The following DPM1 variants were observed in gnomAD, a reference collection of about 807,000 sequenced individuals.
DPM1 encodes the protein dolichyl-phosphate mannosyltransferase subunit 1, catalytic.
In DPM1, 27 loss-of-function variants were observed where a neutral mutation model predicts 39.0. The ratio of observed to expected loss-of-function variants is 0.69; its 90% confidence interval spans 0.51 to 0.95. DPM1 has a LOEUF of 0.95. Among genes scored for constraint, DPM1 ranks in the 40% least tolerant of loss-of-function variants. DPM1 has a pLI of 0.00. For missense variants in DPM1, 307 were observed against 315.6 expected, an observed-to-expected ratio of 0.97 and a Z score of 0.21; for synonymous variants, 124 against 109.0, an observed-to-expected ratio of 1.14 and a Z score of -0.86.
At chr20:50,954,610 A>G (rs1568773916) in intron 2 of DPM1, among the ~76,000 whole-genome samples, 1 of 152,260 alleles carries the variant, frequency 6.6e-6, no homozygotes, top group Non-Finnish European at 1.5e-5. Flanking sequence ...AGTAACTTCT[A>G]TATTAGAATA....
chr20:50,951,959 C>G (rs968746754), intron 2 of DPM1, among the ~76,000 whole-genome samples: 2 of 152,048 alleles, frequency 1.3e-5, no homozygotes, highest in Non-Finnish European at 2.9e-5. Flanking sequence ...ACCTCTCCAC[C>G]CTCCCCTGAT....
chr20:50,953,225 GAGT>G (rs1409309677), intron 2 of DPM1, among the ~76,000 whole-genome samples: 1 of 152,218 alleles, frequency 6.6e-6, no homozygotes, highest in Non-Finnish European at 1.5e-5. Context: ...GAATAGTTCA[GAGT>G]AAGTGCCCCC....
chr20:50,937,885 G>A (rs947713294), intron 7 of DPM1, among the ~76,000 whole-genome samples: 29 of 152,038 alleles, frequency 1.9e-4, no homozygotes, highest in African/African-American at 7.0e-4. Context: ...TATGTTGCCA[G>A]AGCTGGGGTC....
intron 2 of DPM1, among the ~76,000 whole-genome samples, chr20:50,954,025 C>T (rs1343899994): frequency 2.6e-5 from 4 of 152,180 alleles, no homozygotes; most frequent in Non-Finnish European, 5.9e-5. Context: ...GTGAGACAGA[C>T]TGAAAGAATT....
intron 7 of DPM1, among the ~76,000 whole-genome samples, chr20:50,940,117 TG>T (rs1985597183): frequency 6.6e-6 from 1 of 151,846 alleles, no homozygotes; most frequent in African/African-American, 2.4e-5. Context: ...TGTGTGTGTG[TG>T]TGTGTGTCAA....
intron 7 of DPM1, among the ~76,000 whole-genome samples, 179 bp downstream of exon 7, chr20:50,940,686 G>C (rs2123085281): frequency 6.6e-6 from 1 of 152,288 alleles, no homozygotes; most frequent in Admixed American, 6.5e-5. Flanking sequence ...TAAAGGAAAA[G>C]CACAATATGT....
intron 2 of DPM1, among the ~76,000 whole-genome samples, chr20:50,948,918 T>TG (rs2123124943): frequency 6.6e-6 from 1 of 152,194 alleles, no homozygotes; most frequent in South Asian, 2.1e-4. Context: ...TGGAGTACAG[T>TG]GGCGTGATCT....
intron 2 of DPM1, among the ~76,000 whole-genome samples, chr20:50,952,107 G>T (rs759639331): frequency 2.0e-4 from 31 of 152,158 alleles, no homozygotes; most frequent in Non-Finnish European, 4.1e-4. Context: ...ATGTGATCTT[G>T]AGAATATAAA....
intron 1 of DPM1, among the ~76,000 whole-genome samples, chr20:50,956,129 TA>T (rs1986811130): frequency 6.6e-6 from 1 of 152,038 alleles, no homozygotes; most frequent in African/African-American, 2.4e-5. Flanking sequence ...ATTATCAAAT[TA>T]AAAAAACAAA....
intron 7 of DPM1, among the ~76,000 whole-genome samples, chr20:50,939,682 C>T (rs572817836): frequency 9.0e-4 from 137 of 152,070 alleles, no homozygotes; most frequent in Non-Finnish European, 1.6e-3. Flanking sequence ...GGCGCAATCT[C>T]GGCTCACTGC....
intron 1 of DPM1, among the ~76,000 whole-genome samples, chr20:50,956,059 T>C (rs925714301): frequency 2.0e-5 from 3 of 152,160 alleles, no homozygotes; most frequent in Non-Finnish European, 4.4e-5. Context: ...AAAAAACCGA[T>C]TTTAGAATGG....
At chr20:50,948,588 G>A in intron 3 of DPM1, 41 bp downstream of exon 3, 1 of 1,600,186 alleles carries the variant, frequency 6.2e-7, no homozygotes, top group Middle Eastern at 1.7e-4. Context: ...ATGTCACCAA[G>A]CAAGCAGCAG....
intron 2 of DPM1, among the ~76,000 whole-genome samples, chr20:50,949,848 A>G (rs1013220752): frequency 6.6e-6 from 1 of 150,626 alleles, no homozygotes; most frequent in Non-Finnish European, 1.5e-5. Context: ...CTTTGAGTCT[A>G]TGTGTATCCT....
At chr20:50,944,216 G>A (rs1286846370) in intron 5 of DPM1, 2 of 152,142 alleles carry the variant, frequency 1.3e-5, no homozygotes, top group African/African-American at 4.8e-5. Context: ...TAAACTAATG[G>A]ATAATAAAAT....
At chr20:50,941,213 CA>C (rs763579331) in intron 6 of DPM1, 570 of 95,942 alleles carry the variant, frequency 5.9e-3, no homozygotes, top group Non-Finnish European at 6.8e-3. Context: ...TCCATCACTA[CA>C]AAAAAAAAAG....
chr20:50,942,803 C>T (rs541774440), intron 5 of DPM1, among the ~76,000 whole-genome samples: 6 of 152,224 alleles, frequency 3.9e-5, no homozygotes, highest in Non-Finnish European at 7.3e-5. Flanking sequence ...CAAACATACA[C>T]CCCTAGGATT....
chr20:50,945,277 A>ATG (rs1306075425), intron 5 of DPM1: 2 of 137,318 alleles, frequency 1.5e-5, no homozygotes, highest in East Asian at 4.4e-4. Context: ...TTAGTCTCAA[A>ATG]TGTGTGTTGT....
At chr20:50,938,426 C>G (rs1051236697) in intron 7 of DPM1, among the ~76,000 whole-genome samples, 2 of 151,056 alleles carry the variant, frequency 1.3e-5, no homozygotes, top group Non-Finnish European at 3.0e-5. Context: ...CACTCTGTCG[C>G]CCAGGCTAGA....
chr20:50,958,558 C>T (rs763232559), upstream of DPM1: 4 of 1,612,066 alleles, frequency 2.5e-6, no homozygotes, highest in East Asian at 4.5e-5. Flanking sequence ...AGCGGAATTA[C>T]GTAATGTGGC....
Sources: gnomAD v4.1 joint callset for allele counts (sites outside exome capture counted in the v4.1 genomes callset) on GRCh38, gnomAD v4.1.1 for gene constraint, MANE v1.5 for transcripts, NCBI Gene and HGNC (gene_info 2026-07-23, HGNC 2026-07-21) for gene names.